The following VSTM2B variants were observed in gnomAD, a reference collection of about 807,000 sequenced individuals.
VSTM2B encodes V-set and transmembrane domain-containing protein 2B.
In VSTM2B, 24 loss-of-function variants were observed where a neutral mutation model predicts 24.0. The observed-to-expected ratio is 1.00, with a 90% CI of 0.72 to 1.40. The LOEUF (loss-of-function observed/expected upper bound fraction) is 1.40. Ranked by LOEUF, VSTM2B falls within the 40% of genes most tolerant of loss-of-function variation. VSTM2B has a pLI of 0.00. For synonymous variants in VSTM2B, 226 were observed against 194.4 expected (o/e 1.16, Z -1.35); for missense variants, 399 against 416.4 (o/e 0.96, Z 0.36).
chr19:29,551,760 C>T (rs1181483661), intron 4 of VSTM2B, among the ~76,000 whole-genome samples: 2 of 152,140 alleles, frequency 1.3e-5, no homozygotes, highest in Admixed American at 1.3e-4. Flanking sequence ...CATGCTCCAG[C>T]GCTATTCCTG....
intron 4 of VSTM2B, among the ~76,000 whole-genome samples, chr19:29,552,110 G>A (rs1356980169): frequency 6.6e-6 from 1 of 152,176 alleles, no homozygotes. Context: ...TGGAAAAGGA[G>A]GCAATGCCTG....
intron 4 of VSTM2B, among the ~76,000 whole-genome samples, chr19:29,560,896 C>T (rs531912392): frequency 9.8e-5 from 15 of 152,304 alleles, no homozygotes; most frequent in Admixed American, 6.5e-4. Context: ...TTTCCCCTGC[C>T]GCTGCATACC....
intron 4 of VSTM2B, among the ~76,000 whole-genome samples, chr19:29,530,739 G>T (rs1448223182): frequency 6.6e-6 from 1 of 152,156 alleles, no homozygotes; most frequent in Non-Finnish European, 1.5e-5. Flanking sequence ...GAGTTGCGTT[G>T]GTTTCTATTT....
At chr19:29,562,978 T>C (rs1433017006) in intron 4 of VSTM2B, among the ~76,000 whole-genome samples, 2 of 152,020 alleles carry the variant, frequency 1.3e-5, no homozygotes, top group Non-Finnish European at 2.9e-5. Flanking sequence ...CAACCTGCAA[T>C]TTCTCAGCTC....
At chr19:29,538,207 C>A (rs1344134659) in intron 4 of VSTM2B, among the ~76,000 whole-genome samples, 1 of 152,142 alleles carries the variant, frequency 6.6e-6, no homozygotes, top group Non-Finnish European at 1.5e-5. Flanking sequence ...TACATCCAAC[C>A]ATTTGATTGG....
intron 4 of VSTM2B, among the ~76,000 whole-genome samples, chr19:29,553,896 C>T (rs1450072051): frequency 6.6e-6 from 1 of 152,130 alleles, no homozygotes; most frequent in African/African-American, 2.4e-5. Flanking sequence ...AAGGAATGAA[C>T]AAAACCTCCA....
At chr19:29,532,332 C>T (rs893392545) in intron 4 of VSTM2B, among the ~76,000 whole-genome samples, 5 of 152,124 alleles carry the variant, frequency 3.3e-5, no homozygotes, top group Non-Finnish European at 5.9e-5. Flanking sequence ...CGGCTGCTTT[C>T]GGGCCTCATC....
intron 4 of VSTM2B, among the ~76,000 whole-genome samples, chr19:29,556,843 T>G (rs1394657195): frequency 2.0e-5 from 3 of 152,082 alleles, no homozygotes; most frequent in Admixed American, 6.5e-5. Context: ...AAGGATCTCT[T>G]CAAAGAGAAC....
rs140018368 is a variant in VSTM2B, at chr19:29,563,907, G to T, written c.831G>T (p.Lys277Asn). ...LLSLLLLALHKFLRLLLGH is the reference protein window; with the variant it reads ...LLSLLLLALHNFLRLLLGH ...CCCTGCTCCTGTTAGCTCTGCATAAGTTCCTGCGCCTGCTCTTGGGACATT... is the reference window on the plus strand; with the variant it reads ...CCCTGCTCCTGTTAGCTCTGCATAATTTCCTGCGCCTGCTCTTGGGACATT... Residue 277 changes from lysine (K) to asparagine (N), a missense_variant, in exon 5 of 5, where the codon AAG becomes AAT. Transcript: ENST00000335523. The T allele has an allele frequency of 1.4e-5, 22 of 1,552,384 alleles. No individual in the cohort carries two copies. The African/African-American group carries it at 2.7e-4, about 19-fold the overall frequency.
At chr19:29,530,538 A>G (rs968055450) in intron 4 of VSTM2B, among the ~76,000 whole-genome samples, 6 of 152,172 alleles carry the variant, frequency 3.9e-5, no homozygotes, top group African/African-American at 1.4e-4. Flanking sequence ...CTGCCCTGCC[A>G]GCTACCTCAG....
At chr19:29,530,672 G>T (rs1354312491) in intron 4 of VSTM2B, among the ~76,000 whole-genome samples, 2 of 152,152 alleles carry the variant, frequency 1.3e-5, no homozygotes, top group Non-Finnish European at 2.9e-5. Flanking sequence ...GTGGAAATGA[G>T]CTATCCCCAG....
At chr19:29,535,453 C>T (rs1307763261) in intron 4 of VSTM2B, among the ~76,000 whole-genome samples, 1 of 152,196 alleles carries the variant, frequency 6.6e-6, no homozygotes, top group East Asian at 1.9e-4. Context: ...CAAGGAAAGG[C>T]ACCATGGCCC....
At chr19:29,545,925 G>A (rs141422592) in intron 4 of VSTM2B, among the ~76,000 whole-genome samples, 236 of 152,314 alleles carry the variant, frequency 1.5e-3, no homozygotes, top group Non-Finnish European at 2.5e-3. Context: ...TTAGAGTGCT[G>A]GGCTATCAGT....
chr19:29,556,218 C>A (rs1970404692), intron 4 of VSTM2B, among the ~76,000 whole-genome samples: 1 of 152,068 alleles, frequency 6.6e-6, no homozygotes, highest in African/African-American at 2.4e-5. Flanking sequence ...TTATTCACCA[C>A]AATCAAGTCA....
chr19:29,538,865 T>A (rs1046167373), intron 4 of VSTM2B, among the ~76,000 whole-genome samples: 2 of 152,164 alleles, frequency 1.3e-5, no homozygotes, highest in Non-Finnish European at 2.9e-5. Flanking sequence ...TCCACTCCCA[T>A]GACCCAGTTA....
chr19:29,535,029 G>A (rs1486088090), intron 4 of VSTM2B, among the ~76,000 whole-genome samples: 7 of 152,188 alleles, frequency 4.6e-5, no homozygotes, highest in Non-Finnish European at 1.0e-4. Context: ...ACTAAAAGTT[G>A]ATGTGCAAAA....
intron 4 of VSTM2B, among the ~76,000 whole-genome samples, chr19:29,533,673 T>C (rs1230479419): frequency 1.3e-5 from 2 of 152,198 alleles, no homozygotes; most frequent in Admixed American, 1.3e-4. Context: ...CAGTCTTGTG[T>C]CCCACCTCAC....
chr19:29,548,336 G>A (rs890880838), intron 4 of VSTM2B, among the ~76,000 whole-genome samples: 7 of 152,048 alleles, frequency 4.6e-5, no homozygotes, highest in African/African-American at 1.4e-4. Flanking sequence ...TGCATGTCTC[G>A]TCTGCTCTCA....
At chr19:29,528,873 G>T (rs539825131) in intron 3 of VSTM2B, 1 of 977,826 alleles carries the variant, frequency 1.0e-6, no homozygotes, top group Non-Finnish European at 1.2e-6. Flanking sequence ...CTGAGCATCT[G>T]CTCTGCGCCC....
Sources: gnomAD v4.1 joint callset for allele counts (sites outside exome capture counted in the v4.1 genomes callset) on GRCh38, gnomAD v4.1.1 for gene constraint, MANE v1.5 for transcripts, NCBI Gene and HGNC (gene_info 2026-07-23, HGNC 2026-07-21) for gene names.